Variants in CACUL1 observed in about 807,000 individuals in gnomAD.
CACUL1 encodes CDK2 associated cullin domain 1.
Under a neutral mutation model 45.2 loss-of-function variants are expected in CACUL1, and 13 were observed. The ratio of observed to expected loss-of-function variants is 0.29; its 90% CI spans 0.19 to 0.46. The LOEUF is 0.46. Among genes scored for constraint, CACUL1 ranks in the 20% least tolerant of loss-of-function variants. CACUL1 has a pLI of 1.00. For missense variants in CACUL1, 421 were observed against 471.4 expected, an observed-to-expected ratio of 0.89 and a Z score of 0.99; for synonymous variants, 197 against 174.2, an observed-to-expected ratio of 1.13 and a Z score of -1.03.
At chr10:118,731,302 G>T (rs769933502) in intron 1 of CACUL1, among the ~76,000 whole-genome samples, 18 of 152,192 alleles carry the variant, frequency 1.2e-4, no homozygotes, top group Non-Finnish European at 2.1e-4. Flanking sequence ...GAGTGGTTAA[G>T]TGACTTCCTC....
chr10:118,749,342 C>T (rs73423996), intron 1 of CACUL1, among the ~76,000 whole-genome samples: 7,216 of 152,236 alleles, frequency 0.047, 550 homozygotes, highest in African/African-American at 0.16. Context: ...TTTCTGGTGG[C>T]TTGGATTTCT....
intron 3 of CACUL1, among the ~76,000 whole-genome samples, chr10:118,715,076 T>C (rs549061278): frequency 1.3e-5 from 2 of 152,250 alleles, no homozygotes; most frequent in Non-Finnish European, 2.9e-5. Flanking sequence ...ATAGATGTTA[T>C]AGACAATAAT....
chr10:118,748,207 C>G (rs766818491), intron 1 of CACUL1, among the ~76,000 whole-genome samples: 1 of 152,212 alleles, frequency 6.6e-6, no homozygotes, highest in Admixed American at 6.5e-5. Flanking sequence ...CGCACTCCGA[C>G]ATGTCTTATT....
At chr10:118,706,065 C>G (rs1589606800) in intron 4 of CACUL1, among the ~76,000 whole-genome samples, 1 of 152,284 alleles carries the variant, frequency 6.6e-6, no homozygotes, top group East Asian at 1.9e-4. Context: ...CAGGATCCTA[C>G]CATAAGGTGT....
intron 1 of CACUL1, among the ~76,000 whole-genome samples, chr10:118,731,780 CCACTT>C: frequency 6.6e-6 from 1 of 152,240 alleles, no homozygotes; most frequent in East Asian, 1.9e-4. Context: ...GGGGGATACA[CCACTT>C]CACGCATTTG....
At chr10:118,718,645 G>A (rs927559354) in intron 3 of CACUL1, among the ~76,000 whole-genome samples, 1 of 152,104 alleles carries the variant, frequency 6.6e-6, no homozygotes, top group African/African-American at 2.4e-5. Context: ...GCGCAATCTC[G>A]GCTCACTGCA....
At chr10:118,699,494 C>CCAGTATATAAAAATATATA (rs953196351) in intron 5 of CACUL1, among the ~76,000 whole-genome samples, 1 of 152,138 alleles carries the variant, frequency 6.6e-6, no homozygotes, top group Admixed American at 6.5e-5. Context: ...AATATATTTA[C>CCAGTATATAAAAATATATA]AAACTAGACC....
chr10:118,718,291 T>C (rs1044736718), intron 3 of CACUL1, among the ~76,000 whole-genome samples: 1 of 151,846 alleles, frequency 6.6e-6, no homozygotes, highest in Non-Finnish European at 1.5e-5. Context: ...TCCCCAAAGA[T>C]ACAAGGTAAA....
At position 118,695,157 on chromosome 10, in the gene CACUL1, C is replaced by G; in HGVS notation, c.870G>C (p.Leu290=). The stretch of plus-strand genomic sequence containing the variant: ...AATGTTTACCTGGTCTGAGGGTATA[C>G]AGGCCTTTCACAATATTTGCCATAG... The part of the protein sequence containing the change: ...PSTMANIVKG[L]YTLRPEWVQM... The change falls in exon 6 of 9, where the codon CTG becomes CTC. Residue 290 remains leucine (L), a synonymous_variant. Coordinates refer to ENST00000369151, the MANE Select transcript of CACUL1 (RefSeq NM_153810.5). 6.3e-7 allele frequency: 1 copy of G among 1,594,678 alleles called. No individual in the cohort carries two copies.
chr10:118,725,598 G>A (rs1233785256), intron 3 of CACUL1, among the ~76,000 whole-genome samples: 1 of 152,192 alleles, frequency 6.6e-6, no homozygotes, highest in Non-Finnish European at 1.5e-5. Context: ...TACACATGCA[G>A]TGAAATATAA....
chr10:118,696,120 A>G (rs1845319478), intron 5 of CACUL1, among the ~76,000 whole-genome samples: 1 of 152,206 alleles, frequency 6.6e-6, no homozygotes, highest in African/African-American at 2.4e-5. Flanking sequence ...AATTTGAGTT[A>G]TGTTTGAATA....
In CACUL1 at chr10:118,683,648, T is replaced by C. The variant is rs1398965291; in HGVS notation, c.*2480A>G. 6.6e-6 allele frequency: 1 copy of C among 152,062 alleles called. No individual in the cohort carries two copies. The highest frequency in any genetic ancestry group is 1.5e-5 in the Non-Finnish European group (1 of 68,016). The allele number at this position is 152,062 out of a possible 1,614,324, so 9.4% of individuals were successfully genotyped here. A position where few individuals can be genotyped will look rare whatever the true frequency, so the allele number is the denominator to read the frequency against. On this transcript the variant is annotated 3_prime_UTR_variant, in exon 9 of 9. Coordinates refer to ENST00000369151, the MANE Select transcript of CACUL1 (RefSeq NM_153810.5). ...AGGCAGAGGTTGCAGTGAGCTGAGA[T>C]TGCACCACTGCACTCCAGCCTGGGT...
At chr10:118,726,176 G>A (rs1056029171) in intron 3 of CACUL1, 17 of 392,162 alleles carry the variant, frequency 4.3e-5, no homozygotes, top group East Asian at 2.6e-4. Flanking sequence ...GCCTGGCACC[G>A]TCTCTTGATC....
chr10:118,715,061 T>C (rs1375671219), intron 3 of CACUL1, among the ~76,000 whole-genome samples: 1 of 152,250 alleles, frequency 6.6e-6, no homozygotes, highest in Non-Finnish European at 1.5e-5. Context: ...ACTGAGTAAC[T>C]TCATATAGAT....
Position 118,729,289 on chromosome 10 carries a change from C to G in CACUL1, c.597+6G>C. 6.2e-7 allele frequency: 1 copy of G among 1,606,038 alleles called. No homozygotes were observed. The highest frequency in any genetic ancestry group is 8.5e-7 in the Non-Finnish European group (1 of 1,173,322). On this transcript the variant is annotated splice_donor_region_variant and intron_variant, in intron 3 of 8. Transcript: ENST00000369151. ...GAAGCAAAAATCAATACAATCAGTT[C>G]TTTACCTGCAGCTCCTTTGAGACTC...
intron 5 of CACUL1, among the ~76,000 whole-genome samples, chr10:118,699,850 G>A (rs1272587600): frequency 3.3e-5 from 5 of 151,534 alleles, no homozygotes; most frequent in South Asian, 2.1e-4. Flanking sequence ...GGGTTTCACC[G>A]TGTTAGCCAG....
Position 118,691,615 on chromosome 10 carries a change from C to T in CACUL1, c.887-212G>A, listed in dbSNP as rs190074250. ...GGGTGCGGCGGCTCACACCTGTAAT[C>T]CTAGCACTTTGGGAGGCCGAGGCAG... On this transcript the variant is annotated intron_variant, in intron 6 of 8. Transcript: ENST00000369151. 259 of 425,934 alleles carry T rather than the reference C, an allele frequency of 6.1e-4. 2 individuals carry two copies. The highest frequency in any genetic ancestry group is 4.9e-3 in the African/African-American group (240 of 48,604). The allele number at this position is 425,934 out of a possible 1,614,324, so 26.4% of individuals were successfully genotyped here.
Position 118,691,348 on chromosome 10 carries a change from A to T in CACUL1, c.942T>A (p.Pro314=). The change falls in exon 7 of 9, where the codon CCT becomes CCA. Residue 314 remains proline (P), a synonymous_variant. Transcript: ENST00000369151. ...CAGAAAGTTCAGATTCCACCGCCGG[A>T]GGGAGAATGTTTGGAATAAATTTAG... ...LFSKFIPNIL[P]PAVESELSEY... is the part of the protein sequence containing the mutation. 1 of 1,612,384 alleles carries T rather than the reference A, an allele frequency of 6.2e-7. No individual in the cohort carries two copies. The highest frequency in any genetic ancestry group is 8.5e-7 in the Non-Finnish European group (1 of 1,178,404).
chr10:118,741,057 T>C (rs2119666753), intron 1 of CACUL1, among the ~76,000 whole-genome samples: 1 of 152,230 alleles, frequency 6.6e-6, no homozygotes, highest in East Asian at 1.9e-4. Context: ...AGTAACAATA[T>C]CACCACATTG....
Sources: allele counts gnomAD v4.1 joint callset (sites outside exome capture counted in the v4.1 genomes callset), GRCh38; gene constraint gnomAD v4.1.1; transcripts MANE v1.5; gene names NCBI Gene and HGNC (gene_info 2026-07-23, HGNC 2026-07-21).